Variants in NRXN3 observed in about 807,000 individuals in gnomAD.
NRXN3 encodes neurexin 3.
A neutral mutation model predicts 137.6 loss-of-function variants in NRXN3; 32 were observed. The observed-to-expected ratio is 0.23, with a 90% CI of 0.18 to 0.31. The LOEUF (loss-of-function observed/expected upper bound fraction) is 0.31, where lower values mean the gene tolerates loss of function less well. Ranked by LOEUF, NRXN3 falls within the 10% of genes least tolerant of loss-of-function variation. The pLI is 1.00. For missense variants in NRXN3, 1,574 were observed against 2,062.5 expected (o/e 0.76, Z 4.59); for synonymous variants, 798 against 784.5 (o/e 1.02, Z -0.29).
chr14:78,235,682 A>G (rs2066194160), intron 1 of NRXN3, among the ~76,000 whole-genome samples: 2 of 152,192 alleles, frequency 1.3e-5, no homozygotes, highest in East Asian at 1.9e-4. Flanking sequence ...TCAGCACAAT[A>G]TAAACTTCAA....
chr14:78,661,335 T>C (rs1298425987), intron 6 of NRXN3, among the ~76,000 whole-genome samples: 2 of 152,234 alleles, frequency 1.3e-5, no homozygotes, highest in Non-Finnish European at 2.9e-5. Flanking sequence ...TCTAGCTAAA[T>C]AGCAGCAAAG....
At position 78,411,618 on chromosome 14, in the gene NRXN3, A is replaced by G. The variant is rs564026815; in HGVS notation, c.757+113758A>G. Among the ~76,000 whole-genome samples, 24 of 152,260 alleles carry G rather than the reference A, an allele frequency of 1.6e-4. 1 individual carries two copies. In the South Asian group the frequency reaches 2.3e-3, roughly 14 times the overall value. On this transcript the variant is annotated intron_variant, in intron 4 of 20. Coordinates refer to ENST00000335750, the MANE Select transcript of NRXN3 (RefSeq NM_001330195.2). ...GTGGGATTTTGCAATTTAAAACATC[A>G]CTTCCATGCATGGCTGTCTCTGGAA...
chr14:78,349,379 C>T (rs2083175319), intron 4 of NRXN3, among the ~76,000 whole-genome samples: 1 of 152,162 alleles, frequency 6.6e-6, no homozygotes, highest in African/African-American at 2.4e-5. Context: ...CTGATTTGGG[C>T]CTGCTCCAGC....
intron 20 of NRXN3, among the ~76,000 whole-genome samples, chr14:79,819,716 C>A (rs1216372398): frequency 6.6e-6 from 1 of 151,920 alleles, no homozygotes; most frequent in Non-Finnish European, 1.5e-5. Flanking sequence ...AACTCCTGAC[C>A]TCGTGATTTG....
chr14:79,604,861 G>T (rs540226589), intron 16 of NRXN3, among the ~76,000 whole-genome samples: 1 of 151,880 alleles, frequency 6.6e-6, no homozygotes, highest in Non-Finnish European at 1.5e-5. Flanking sequence ...GTGAAAATCT[G>T]TCTCCACTAA....
At chr14:79,118,186 T>TA (rs1219951018) in intron 15 of NRXN3, among the ~76,000 whole-genome samples, 2 of 152,158 alleles carry the variant, frequency 1.3e-5, no homozygotes, top group Non-Finnish European at 2.9e-5. Flanking sequence ...TGACTCTTTT[T>TA]ATCAACAAAA....
chr14:79,348,235 C>T (rs922250716), intron 15 of NRXN3, among the ~76,000 whole-genome samples: 1 of 152,028 alleles, frequency 6.6e-6, no homozygotes, highest in African/African-American at 2.4e-5. Flanking sequence ...TGTAAGTAGG[C>T]CTTTTCTCCC....
chr14:79,359,770 CA>C (rs1031566146), intron 15 of NRXN3, among the ~76,000 whole-genome samples: 4 of 151,588 alleles, frequency 2.6e-5, no homozygotes, highest in African/African-American at 9.7e-5. Flanking sequence ...GGGGTTTCAC[CA>C]TGTTGAGCAG....
chr14:79,724,690 C>G (rs1459912981), intron 19 of NRXN3, among the ~76,000 whole-genome samples: 2 of 152,058 alleles, frequency 1.3e-5, no homozygotes, highest in African/African-American at 4.8e-5. Flanking sequence ...TGGAGAAAAA[C>G]AACCAATTTT....
intron 4 of NRXN3, among the ~76,000 whole-genome samples, chr14:78,346,807 A>C (rs1487402146): frequency 6.6e-6 from 1 of 152,188 alleles, no homozygotes; most frequent in East Asian, 1.9e-4. Flanking sequence ...AGCTGGAGAC[A>C]ATGAAAATCT....
chr14:78,379,556 A>G (rs1410174802), intron 4 of NRXN3, among the ~76,000 whole-genome samples: 1 of 152,240 alleles, frequency 6.6e-6, no homozygotes, highest in African/African-American at 2.4e-5. Flanking sequence ...GACAAAATTC[A>G]ACACTTCTTT....
intron 15 of NRXN3, among the ~76,000 whole-genome samples, chr14:79,406,796 G>A (rs575326631): frequency 1.6e-4 from 25 of 152,242 alleles, no homozygotes; most frequent in African/African-American, 4.8e-4. Flanking sequence ...AGCATGCGTC[G>A]TGAATATGGT....
At chr14:79,337,680 A>G (rs1234983687) in intron 15 of NRXN3, among the ~76,000 whole-genome samples, 4 of 152,164 alleles carry the variant, frequency 2.6e-5, no homozygotes, top group African/African-American at 7.2e-5. Context: ...CTGGTGCAAT[A>G]TTGACATTTC....
chr14:78,541,902 C>T (rs2096593197), intron 4 of NRXN3, among the ~76,000 whole-genome samples: 1 of 152,200 alleles, frequency 6.6e-6, no homozygotes, highest in South Asian at 2.1e-4. Context: ...TTGGAGTTTG[C>T]TGGAGGTCCA....
rs114078884 is a variant in NRXN3, at chr14:78,656,009, C to G, written c.1221+4683C>G. Among the ~76,000 whole-genome samples the G allele has an allele frequency of 6.6e-3, 1,004 of 152,246 alleles. 8 individuals carry two copies. The highest frequency in any genetic ancestry group is 0.023 in the African/African-American group (972 of 41,528). ...CTCATGAGGGACCTTCATGACCTGA[C>G]CTTCATGACCTCCCAGAGGCCCCAC... On this transcript the variant is annotated intron_variant, in intron 6 of 20. Coordinates refer to ENST00000335750, the MANE Select transcript of NRXN3 (RefSeq NM_001330195.2).
intron 19 of NRXN3, among the ~76,000 whole-genome samples, chr14:79,774,926 A>G (rs923539618): frequency 1.3e-5 from 2 of 151,958 alleles, no homozygotes; most frequent in African/African-American, 4.8e-5. Context: ...TGGATTAAGT[A>G]TGATATATAT....
intron 20 of NRXN3, among the ~76,000 whole-genome samples, chr14:79,831,215 T>G (rs1489728483): frequency 6.6e-6 from 1 of 152,184 alleles, no homozygotes; most frequent in Non-Finnish European, 1.5e-5. Flanking sequence ...ACAGGAAACA[T>G]AATACTCTCT....
At chr14:79,719,402 G>GTATA (rs143848752) in intron 19 of NRXN3, among the ~76,000 whole-genome samples, 1,961 of 142,266 alleles carry the variant, frequency 0.014, 54 homozygotes, top group African/African-American at 0.049. Flanking sequence ...ATATATGTGT[G>GTATA]TATATATATA....
At chr14:79,768,629 C>T (rs2099065155) in intron 19 of NRXN3, among the ~76,000 whole-genome samples, 1 of 152,148 alleles carries the variant, frequency 6.6e-6, no homozygotes, top group African/African-American at 2.4e-5. Context: ...CTGTACATCA[C>T]CATCATCAAA....
Sources: gnomAD v4.1 joint callset for allele counts (sites outside exome capture counted in the v4.1 genomes callset) on GRCh38, gnomAD v4.1.1 for gene constraint, MANE v1.5 for transcripts, NCBI Gene and HGNC (gene_info 2026-07-23, HGNC 2026-07-21) for gene names.